The following ARHGAP24 variants were observed in gnomAD, a reference collection of about 807,000 sequenced individuals.
The protein encoded by ARHGAP24 is Rho GTPase activating protein 24, also known as rho GTPase-activating protein 24.
In ARHGAP24, 50 loss-of-function variants were observed where a neutral mutation model predicts 76.4. That is an observed-to-expected ratio of 0.65 (90% confidence interval 0.52 to 0.83). The LOEUF (loss-of-function observed/expected upper bound fraction) is 0.83, where lower values mean the gene tolerates loss of function less well. Ranked by LOEUF, ARHGAP24 falls within the 40% of genes least tolerant of loss-of-function variation. The pLI, the probability that ARHGAP24 is intolerant of heterozygous loss-of-function variation, is 0.00. For missense variants in ARHGAP24, 930 were observed against 914.2 expected (o/e 1.02, Z -0.22); for synonymous variants, 345 against 323.3 (o/e 1.07, Z -0.72).
intron 5 of ARHGAP24, among the ~76,000 whole-genome samples, chr4:85,956,853 C>T (rs1737932149): frequency 6.6e-6 from 1 of 152,078 alleles, no homozygotes; most frequent in Admixed American, 6.6e-5. Context: ...AAACACGGAC[C>T]AGAAGAGAGT....
chr4:85,627,343 G>T (rs181240881), intron 2 of ARHGAP24, among the ~76,000 whole-genome samples: 153 of 152,302 alleles, frequency 1.0e-3, no homozygotes, highest in Non-Finnish European at 2.0e-3. Context: ...GTCCACTCCA[G>T]ACCCTGTTTG....
intron 6 of ARHGAP24, among the ~76,000 whole-genome samples, chr4:85,972,908 T>C (rs1449739991): frequency 6.6e-6 from 1 of 152,250 alleles, no homozygotes; most frequent in Non-Finnish European, 1.5e-5. Flanking sequence ...GTGCCACTTA[T>C]AAGTATTTCA....
At position 85,949,657 on chromosome 4, in the gene ARHGAP24, C is replaced by T. The variant is rs151223152; in HGVS notation, c.599+7384C>T. Among the ~76,000 whole-genome samples, 1,284 of 152,236 alleles carry T rather than the reference C, an allele frequency of 8.4e-3. 18 individuals carry two copies. The highest frequency in any genetic ancestry group is 0.029 in the African/African-American group (1,223 of 41,530). ...AGCTACAAGACCTTTAAGGAGTAGG[C>T]CCAGAACTGGTGCGATGTCACATCC... On this transcript the variant is annotated intron_variant, in intron 5 of 9. Transcript: ENST00000395184.
chr4:85,625,690 T>C (rs936675744), intron 2 of ARHGAP24, among the ~76,000 whole-genome samples: 7 of 152,226 alleles, frequency 4.6e-5, no homozygotes, highest in African/African-American at 1.7e-4. Flanking sequence ...CTCCCATTAT[T>C]ATTCTGTGGG....
intron 1 of ARHGAP24, among the ~76,000 whole-genome samples, chr4:85,527,075 T>G (rs1725035753): frequency 6.6e-6 from 1 of 152,148 alleles, no homozygotes; most frequent in South Asian, 2.1e-4. Context: ...ATCAGTGTAA[T>G]GTGTATAGGC....
At chr4:85,907,948 C>T (rs951830024) in intron 3 of ARHGAP24, among the ~76,000 whole-genome samples, 3 of 151,980 alleles carry the variant, frequency 2.0e-5, no homozygotes, top group Non-Finnish European at 4.4e-5. Context: ...GAAAAAAGGG[C>T]AAAAGACAAT....
intron 3 of ARHGAP24, among the ~76,000 whole-genome samples, chr4:85,809,500 TTATAA>T (rs1243297756): frequency 2.0e-5 from 3 of 152,216 alleles, no homozygotes; most frequent in Admixed American, 6.5e-5. Context: ...TTCCAAAATG[TTATAA>T]TATAACGGAA....
At chr4:85,612,083 T>TACACACACACACACACACACAC (rs34030905) in intron 2 of ARHGAP24, among the ~76,000 whole-genome samples, 5 of 143,768 alleles carry the variant, frequency 3.5e-5, no homozygotes, top group Admixed American at 2.1e-4. Context: ...TTCATTACAT[T>TACACACACACACACACACACAC]ACACACACAC....
chr4:85,863,425 T>TA (rs1490951321), intron 3 of ARHGAP24, among the ~76,000 whole-genome samples: 2 of 152,200 alleles, frequency 1.3e-5, no homozygotes, highest in East Asian at 1.9e-4. Context: ...ATAATCTTTT[T>TA]AAAAAAATCA....
intron 1 of ARHGAP24, among the ~76,000 whole-genome samples, chr4:85,509,413 A>C (rs552558519): frequency 1.3e-5 from 2 of 152,172 alleles, no homozygotes; most frequent in Non-Finnish European, 2.9e-5. Flanking sequence ...AGTGAATTTA[A>C]AAATTCTAAA....
rs1460120682 is a variant in ARHGAP24 at position 85,982,637 on chromosome 4, A to C, written c.928+4946A>C. Among the ~76,000 whole-genome samples the C allele has an allele frequency of 2.0e-5, 3 of 152,152 alleles. No homozygotes were observed. The East Asian group carries it at 5.8e-4, about 29-fold the overall frequency. On this transcript the variant is annotated intron_variant, in intron 8 of 9. Coordinates refer to ENST00000395184, the MANE Select transcript of ARHGAP24 (RefSeq NM_001025616.3). ...AGCATGAGTCAGTATTTAAAGAAAA[A>C]GTGTTCTTGCATCCAAAAATAATTA... is the stretch of plus-strand genomic sequence containing the variant.
intron 2 of ARHGAP24, among the ~76,000 whole-genome samples, chr4:85,630,992 T>C (rs948526728): frequency 2.0e-5 from 3 of 151,992 alleles, no homozygotes; most frequent in Admixed American, 2.0e-4. Context: ...CACACGTATA[T>C]ATACACACAC....
At chr4:85,697,897 C>A (rs1426375311) in intron 2 of ARHGAP24, among the ~76,000 whole-genome samples, 1 of 152,070 alleles carries the variant, frequency 6.6e-6, no homozygotes, top group South Asian at 2.1e-4. Context: ...TTAGGGGCAC[C>A]CAATTTGAAA....
chr4:85,588,871 A>G (rs1727972020), intron 2 of ARHGAP24, among the ~76,000 whole-genome samples: 1 of 152,208 alleles, frequency 6.6e-6, no homozygotes, highest in Non-Finnish European at 1.5e-5. Context: ...TACCCTGAAT[A>G]CTAAACCACT....
chr4:85,791,160 C>T (rs1728101833), intron 3 of ARHGAP24, among the ~76,000 whole-genome samples: 3 of 152,054 alleles, frequency 2.0e-5, no homozygotes, highest in Non-Finnish European at 4.4e-5. Flanking sequence ...CATTAAATGG[C>T]GTATGAGGGC....
chr4:85,989,908 A>C (rs778454112), intron 8 of ARHGAP24: 2 of 151,750 alleles, frequency 1.3e-5, no homozygotes, highest in African/African-American at 4.8e-5. Context: ...GATCGGGTTT[A>C]AGGTAAGTTT....
intron 1 of ARHGAP24, among the ~76,000 whole-genome samples, chr4:85,553,230 C>A (rs2110130440): frequency 6.6e-6 from 1 of 152,268 alleles, no homozygotes; most frequent in South Asian, 2.1e-4. Flanking sequence ...AAACAGTGAG[C>A]AGCAGCAAGA....
At chr4:85,682,649 T>C (rs1458180065) in intron 2 of ARHGAP24, among the ~76,000 whole-genome samples, 1 of 152,212 alleles carries the variant, frequency 6.6e-6, no homozygotes, top group East Asian at 1.9e-4. Context: ...ATAGTTAAAG[T>C]TGAATAATCA....
intron 1 of ARHGAP24, among the ~76,000 whole-genome samples, chr4:85,564,969 T>TATAC (rs1553914961): frequency 2.8e-5 from 3 of 105,366 alleles, no homozygotes; most frequent in African/African-American, 7.3e-5. Context: ...TATATATATA[T>TATAC]ACCCACACCC....
Sources: allele counts gnomAD v4.1 joint callset (sites outside exome capture counted in the v4.1 genomes callset), GRCh38; gene constraint gnomAD v4.1.1; transcripts MANE v1.5; gene names NCBI Gene and HGNC (gene_info 2026-07-23, HGNC 2026-07-21).